Variants in KCNG3 observed in about 807,000 individuals in gnomAD.
KCNG3 encodes the protein voltage-gated potassium channel regulatory subunit KCNG3.
A neutral mutation model predicts 29.0 loss-of-function variants in KCNG3; 15 were observed. The observed-to-expected ratio is 0.52, with a 90% CI of 0.35 to 0.80. The LOEUF (loss-of-function observed/expected upper bound fraction) is 0.80, where lower values mean the gene tolerates loss of function less well. Ranked by LOEUF, KCNG3 falls within the 30% of genes least tolerant of loss-of-function variation. The pLI, the probability that KCNG3 is intolerant of heterozygous loss-of-function variation, is 0.01. For missense variants in KCNG3, 512 were observed against 605.7 expected, an observed-to-expected ratio of 0.85 and a Z score of 1.62; for synonymous variants, 322 against 248.9, an observed-to-expected ratio of 1.29 and a Z score of -2.76.
chr2:42,436,686 CAG>C, the KCNG3 span, among the ~76,000 whole-genome samples: 1 of 152,186 alleles, frequency 6.6e-6, no homozygotes, highest in Admixed American at 6.5e-5. Flanking sequence ...ACAGCTAGAA[CAG>C]GGAATAAAAA....
In KCNG3 at chr2:42,491,187, C is replaced by G. The variant is rs1347348493; in HGVS notation, c.665+1650G>C. Among the ~76,000 whole-genome samples, 2 of 152,158 alleles carry G rather than the reference C, an allele frequency of 1.3e-5. 1 individual carries two copies. Among genetic ancestry groups the G allele is most frequent in the Admixed American group, 1.3e-4 (2 of 15,256 alleles). On this transcript the variant is annotated intron_variant, in intron 1 of 1. Coordinates refer to ENST00000306078, the MANE Select transcript of KCNG3 (RefSeq NM_133329.6). ...TCCCTCTTTTCCATCTCTGTCTTCC[C>G]TTTTTTGTTTCTTGTGTTTCTCTCC...
At chr2:42,491,440 C>G (rs1420950290) in intron 1 of KCNG3, among the ~76,000 whole-genome samples, 1 of 151,994 alleles carries the variant, frequency 6.6e-6, no homozygotes, top group South Asian at 2.1e-4. Context: ...CTTCACTAAC[C>G]TTAGAATTCT....
chr2:42,448,344 CTTATTTAT>C (rs5830729), intron 1 of KCNG3, among the ~76,000 whole-genome samples: 21,409 of 145,640 alleles, frequency 0.15, 1,609 homozygotes, highest in South Asian at 0.28. Flanking sequence ...CCACTTCCCA[CTTATTTAT>C]TTATTTATTT....
the KCNG3 span, among the ~76,000 whole-genome samples, chr2:42,420,441 A>C: frequency 9.2e-5 from 14 of 152,156 alleles, no homozygotes; most frequent in African/African-American, 3.4e-4. Context: ...GTGGAAGTGC[A>C]CTAGAAAGGC....
the KCNG3 span, among the ~76,000 whole-genome samples, chr2:42,401,931 T>A: frequency 6.6e-6 from 1 of 151,826 alleles, no homozygotes; most frequent in African/African-American, 2.4e-5. Context: ...ACCAGAGAAA[T>A]ACTGTGATGG....
the KCNG3 span, among the ~76,000 whole-genome samples, chr2:42,408,997 C>A: frequency 0.013 from 1,947 of 152,252 alleles, 36 homozygotes; most frequent in African/African-American, 0.043. Flanking sequence ...CGGCCGCAGC[C>A]TCACAGAGAG....
the KCNG3 span, among the ~76,000 whole-genome samples, chr2:42,435,704 T>C: frequency 6.6e-6 from 1 of 152,182 alleles, no homozygotes; most frequent in South Asian, 2.1e-4. Flanking sequence ...AACCATTTCA[T>C]ACCCACTGTG....
At chr2:42,405,294 T>A in the KCNG3 span, among the ~76,000 whole-genome samples, 2 of 152,336 alleles carry the variant, frequency 1.3e-5, no homozygotes, top group African/African-American at 4.8e-5. Context: ...TTTTGGCAGA[T>A]GTCTATTTTG....
At chr2:42,420,608 G>A in the KCNG3 span, among the ~76,000 whole-genome samples, 1 of 151,998 alleles carries the variant, frequency 6.6e-6, no homozygotes, top group South Asian at 2.1e-4. Context: ...TGACCAACAC[G>A]ATGAAACCCC....
At chr2:42,433,165 T>C in the KCNG3 span, among the ~76,000 whole-genome samples, 1 of 152,152 alleles carries the variant, frequency 6.6e-6, no homozygotes, top group Non-Finnish European at 1.5e-5. Context: ...GAGAAAGACG[T>C]AAGATACCCA....
At chr2:42,410,007 A>G in the KCNG3 span, among the ~76,000 whole-genome samples, 2 of 152,152 alleles carry the variant, frequency 1.3e-5, no homozygotes, top group African/African-American at 4.8e-5. Flanking sequence ...TCATAATCAA[A>G]TATGAATCTA....
At chr2:42,446,415 G>A (rs1672599455) in intron 1 of KCNG3, among the ~76,000 whole-genome samples, 1 of 151,944 alleles carries the variant, frequency 6.6e-6, no homozygotes, top group African/African-American at 2.4e-5. Context: ...CTGACCTCAA[G>A]TGATCCGCCC....
intron 1 of KCNG3, among the ~76,000 whole-genome samples, chr2:42,477,427 A>T (rs1001031156): frequency 0.012 from 1,315 of 108,954 alleles, 29 homozygotes; most frequent in South Asian, 0.03. Context: ...ACACACATAT[A>T]TTTTTTTTTT....
intron 1 of KCNG3, among the ~76,000 whole-genome samples, chr2:42,468,542 A>G (rs1572854292): frequency 6.6e-6 from 1 of 152,228 alleles, no homozygotes; most frequent in East Asian, 1.9e-4. Context: ...ATCTAACAAA[A>G]GATATAAAAT....
At chr2:42,482,088 A>G (rs1673600643) in intron 1 of KCNG3, among the ~76,000 whole-genome samples, 4 of 152,166 alleles carry the variant, frequency 2.6e-5, no homozygotes, top group Admixed American at 1.3e-4. Context: ...CCTCCCAAAC[A>G]GCTGGGACTA....
the KCNG3 span, among the ~76,000 whole-genome samples, chr2:42,391,113 G>A: frequency 1.3e-5 from 2 of 152,146 alleles, no homozygotes; most frequent in Admixed American, 6.5e-5. Context: ...GGCTCTGCAG[G>A]CCAGATTTGC....
intron 1 of KCNG3, among the ~76,000 whole-genome samples, chr2:42,489,658 G>C (rs1385647497): frequency 6.6e-6 from 1 of 151,976 alleles, no homozygotes; most frequent in Non-Finnish European, 1.5e-5. Context: ...AATTGGGCTT[G>C]ATGAATAATC....
chr2:42,429,824 G>T, the KCNG3 span, among the ~76,000 whole-genome samples: 2 of 152,156 alleles, frequency 1.3e-5, no homozygotes, highest in African/African-American at 4.8e-5. Flanking sequence ...GAGTAGAGAA[G>T]ATACGGGAAA....
downstream of KCNG3, among the ~76,000 whole-genome samples, chr2:42,438,543 C>G (rs187346644): frequency 6.6e-6 from 1 of 152,090 alleles, no homozygotes; most frequent in Non-Finnish European, 1.5e-5. Context: ...ATATTTTAAA[C>G]GATAAACCAA....
Sources: allele counts gnomAD v4.1 joint callset (sites outside exome capture counted in the v4.1 genomes callset), GRCh38; gene constraint gnomAD v4.1.1; transcripts MANE v1.5; gene names NCBI Gene and HGNC (gene_info 2026-07-23, HGNC 2026-07-21).